The following BRINP1 variants were observed in gnomAD, a reference collection of about 807,000 sequenced individuals.
The protein encoded by BRINP1 is BMP/retinoic acid-inducible neural-specific protein 1.
BRINP1 carries 17 observed loss-of-function variants against 72.9 expected under a neutral mutation model. The ratio of observed to expected loss-of-function variants is 0.23; its 90% confidence interval spans 0.16 to 0.35. The LOEUF (loss-of-function observed/expected upper bound fraction) is 0.35, where lower values mean the gene tolerates loss of function less well. Ranked by LOEUF, BRINP1 falls within the 10% of genes least tolerant of loss-of-function variation. BRINP1 has a pLI of 1.00. For synonymous variants in BRINP1, 418 were observed against 378.5 expected, an observed-to-expected ratio of 1.10 and a Z score of -1.21; for missense variants, 850 against 1,001.6, an observed-to-expected ratio of 0.85 and a Z score of 2.04.
At chr9:119,245,179 A>T (rs1830300878) in intron 3 of BRINP1, among the ~76,000 whole-genome samples, 1 of 145,122 alleles carries the variant, frequency 6.9e-6, no homozygotes, top group Admixed American at 7.2e-5. Flanking sequence ...GCTCATATGC[A>T]TGTGCAAGCT....
At chr9:119,350,660 G>A (rs1310900960) in intron 1 of BRINP1, among the ~76,000 whole-genome samples, 1 of 148,856 alleles carries the variant, frequency 6.7e-6, no homozygotes, top group Non-Finnish European at 1.5e-5. Flanking sequence ...CCATGAACAT[G>A]TGCACACACA....
At chr9:119,205,678 C>A (rs1005698089) in intron 7 of BRINP1, among the ~76,000 whole-genome samples, 2 of 152,130 alleles carry the variant, frequency 1.3e-5, no homozygotes, top group African/African-American at 4.8e-5. Context: ...AAAATCCTCT[C>A]GAGTCTTCCC....
chr9:119,191,671 C>G (rs1230716358), intron 7 of BRINP1, among the ~76,000 whole-genome samples: 3 of 151,600 alleles, frequency 2.0e-5, no homozygotes, highest in Non-Finnish European at 4.4e-5. Context: ...TTAATATTAT[C>G]AACATATTCA....
intron 2 of BRINP1, among the ~76,000 whole-genome samples, chr9:119,264,481 T>C (rs1335636220): frequency 6.6e-6 from 1 of 152,222 alleles, no homozygotes; most frequent in East Asian, 1.9e-4. Context: ...ATGAGACAAA[T>C]AGGAAACTCT....
chr9:119,311,057 T>A (rs1275877846), intron 2 of BRINP1, among the ~76,000 whole-genome samples: 1 of 152,188 alleles, frequency 6.6e-6, no homozygotes, highest in Non-Finnish European at 1.5e-5. Flanking sequence ...GTTATACACA[T>A]CCTGCACATT....
At chr9:119,307,557 T>G (rs77963929) in intron 2 of BRINP1, among the ~76,000 whole-genome samples, 13,590 of 152,192 alleles carry the variant, frequency 0.089, 2,050 homozygotes, top group African/African-American at 0.31. Flanking sequence ...GAGGTAGATT[T>G]AGACCAATAA....
chr9:119,227,268 A>C (rs1830101444), intron 5 of BRINP1, among the ~76,000 whole-genome samples: 1 of 152,044 alleles, frequency 6.6e-6, no homozygotes. Flanking sequence ...AGTCTTTATC[A>C]CTGGCAAATC....
At chr9:119,221,626 G>A (rs757476770) in intron 5 of BRINP1, among the ~76,000 whole-genome samples, 4 of 152,150 alleles carry the variant, frequency 2.6e-5, no homozygotes, top group Non-Finnish European at 5.9e-5. Context: ...GGGTTGGTGA[G>A]TGGGTTCCTG....
intron 1 of BRINP1, among the ~76,000 whole-genome samples, chr9:119,346,053 G>A (rs1831448312): frequency 6.6e-6 from 1 of 152,118 alleles, no homozygotes; most frequent in Admixed American, 6.6e-5. Flanking sequence ...CAACTCTGAT[G>A]CCTTGACGGT....
intron 1 of BRINP1, among the ~76,000 whole-genome samples, chr9:119,352,161 A>G (rs1587970208): frequency 6.6e-6 from 1 of 152,178 alleles, no homozygotes; most frequent in South Asian, 2.1e-4. Flanking sequence ...GTCAGCAACC[A>G]TCCCAAGAAG....
chr9:119,175,788 C>T (rs1349112400), intron 7 of BRINP1, among the ~76,000 whole-genome samples: 1 of 152,234 alleles, frequency 6.6e-6, no homozygotes, highest in East Asian at 1.9e-4. Flanking sequence ...TCAAGTCACC[C>T]TTTGGCTGTC....
In BRINP1 at chr9:119,217,343, A is replaced by AC. The variant is rs1319414304; in HGVS notation, c.686-3189dup. ...CACAGACACACAGACACACACACAC[A>AC]CACACGGAGAGAAAGAGAGAGAGAG... On this transcript the variant is annotated intron_variant, in intron 5 of 7. Transcript: ENST00000265922. 1.6e-3 allele frequency among the ~76,000 whole-genome samples: 240 copies of AC among 152,108 alleles called. 1 individual carries two copies. The highest frequency in any genetic ancestry group is 5.5e-3 in the African/African-American group (228 of 41,438).
intron 7 of BRINP1, among the ~76,000 whole-genome samples, chr9:119,195,647 C>T (rs1487344744): frequency 6.6e-6 from 1 of 152,232 alleles, no homozygotes; most frequent in Non-Finnish European, 1.5e-5. Context: ...AGAAATGGAG[C>T]ACCTTCCTGC....
intron 7 of BRINP1, among the ~76,000 whole-genome samples, chr9:119,169,789 C>T (rs566675560): frequency 8.6e-5 from 13 of 152,000 alleles, no homozygotes; most frequent in African/African-American, 9.7e-5. Flanking sequence ...GATCTGAGAA[C>T]GGGCAGACTG....
At chr9:119,249,195 C>T (rs201176573) in intron 2 of BRINP1, 45 bp from the exon 3 acceptor site, 15 of 1,567,596 alleles carry the variant, frequency 9.6e-6, no homozygotes, top group Non-Finnish European at 1.7e-6. Context: ...ACCACCATTA[C>T]CCTTAAGCCA....
At chr9:119,173,371 T>TC (rs1254825827) in intron 7 of BRINP1, among the ~76,000 whole-genome samples, 1 of 145,030 alleles carries the variant, frequency 6.9e-6, no homozygotes. Flanking sequence ...ATGAGTGAAC[T>TC]CCCATTCACA....
intron 2 of BRINP1, among the ~76,000 whole-genome samples, chr9:119,251,843 G>A (rs1234749609): frequency 2.6e-5 from 4 of 152,054 alleles, no homozygotes; most frequent in African/African-American, 7.2e-5. Context: ...TAATGACCTC[G>A]GGCCCAGGGA....
chr9:119,251,126 A>G (rs950320921), intron 2 of BRINP1, among the ~76,000 whole-genome samples: 4 of 152,206 alleles, frequency 2.6e-5, no homozygotes, highest in Non-Finnish European at 4.4e-5. Context: ...ATAATTCAAG[A>G]CATAGTTCAA....
At chr9:119,266,264 C>T (rs1004440778) in intron 2 of BRINP1, among the ~76,000 whole-genome samples, 30 of 151,960 alleles carry the variant, frequency 2.0e-4, no homozygotes, top group African/African-American at 6.8e-4. Context: ...TGTGAGTGAA[C>T]GCAGAATGTT....
Sources: allele counts gnomAD v4.1 joint callset (sites outside exome capture counted in the v4.1 genomes callset), GRCh38; gene constraint gnomAD v4.1.1; transcripts MANE v1.5; gene names NCBI Gene and HGNC (gene_info 2026-07-23, HGNC 2026-07-21).